ERI3: variants seen among roughly 807,000 people sequenced by gnomAD.
ERI3 encodes the protein ERI1 exoribonuclease 3.
In ERI3, 18 loss-of-function variants were observed where a neutral mutation model predicts 44.4. That is an observed-to-expected ratio of 0.41 (90% confidence interval 0.28 to 0.60). ERI3 has a LOEUF of 0.60. Ranked by LOEUF, ERI3 falls within the 20% of genes least tolerant of loss-of-function variation. The probability of loss-of-function intolerance (pLI) is 0.36; values close to 1 mark genes in which losing one functional copy is unlikely to be tolerated. For missense variants in ERI3, 294 were observed against 435.5 expected (o/e 0.68, Z 2.89); for synonymous variants, 183 against 164.8 (o/e 1.11, Z -0.84).
At chr1:44,349,897 G>A (rs1646856584) in intron 2 of ERI3, among the ~76,000 whole-genome samples, 1 of 152,106 alleles carries the variant, frequency 6.6e-6, no homozygotes, top group African/African-American at 2.4e-5. Flanking sequence ...AAGAAAAGTA[G>A]GAAGAAAGGG....
chr1:44,310,963 G>GCGCGCGCACACACACA (rs1373873768), intron 5 of ERI3, among the ~76,000 whole-genome samples: 1 of 123,200 alleles, frequency 8.1e-6, no homozygotes, highest in Non-Finnish European at 1.7e-5. Flanking sequence ...GCGCGCGCGC[G>GCGCGCGCACACACACA]CACACACACA....
Position 44,355,187 on chromosome 1 carries a change from G to A in ERI3, c.-161C>T, listed in dbSNP as rs1646976834. Reference sequence around the variant, plus strand: ...GGCAGAGGCAGGGCCAGCTCCGCCCGCTCCCCACCGCCCGTTCCCGGCCGC... The same window carrying A: ...GGCAGAGGCAGGGCCAGCTCCGCCCACTCCCCACCGCCCGTTCCCGGCCGC... On this transcript the variant is annotated 5_prime_UTR_variant, in exon 1 of 9. Coordinates refer to ENST00000372257, the MANE Select transcript of ERI3 (RefSeq NM_024066.3). 8.3e-7 allele frequency: 1 copy of A among 1,201,508 alleles called. No individual in the cohort carries two copies. 74.4% of individuals were successfully genotyped at this position (1,201,508 alleles called of 1,614,324 possible).
At chr1:44,332,718 C>A (rs1437997336) in intron 3 of ERI3, among the ~76,000 whole-genome samples, 2 of 152,222 alleles carry the variant, frequency 1.3e-5, no homozygotes, top group Non-Finnish European at 2.9e-5. Flanking sequence ...TCGGACACAG[C>A]AAACGCTTGT....
chr1:44,288,364 A>C (rs1268133473), intron 6 of ERI3, among the ~76,000 whole-genome samples: 1 of 152,072 alleles, frequency 6.6e-6, no homozygotes, highest in Non-Finnish European at 1.5e-5. Flanking sequence ...TAGCCCTGTG[A>C]CTCCAAGACA....
Position 44,241,915 on chromosome 1 carries a change from C to G in ERI3, c.931+6024G>C. 1.0e-6 allele frequency: 1 copy of G among 982,956 alleles called. No homozygotes were observed. Among genetic ancestry groups the G allele is most frequent in the Non-Finnish European group, 1.2e-6 (1 of 827,412 alleles). 60.9% of individuals were successfully genotyped at this position (982,956 alleles called of 1,614,324 possible). Reference sequence around the variant, plus strand: ...CCACCCATCTAGTCCATCAACTCACCCATCCATCTAGCCATTCTTCCATCT... The same window carrying G: ...CCACCCATCTAGTCCATCAACTCACGCATCCATCTAGCCATTCTTCCATCT... On this transcript the variant is annotated intron_variant, in intron 8 of 8. Coordinates refer to ENST00000372257, the MANE Select transcript of ERI3 (RefSeq NM_024066.3). The surrounding 1 kb of genome is among the most constrained non-coding windows in gnomAD (Gnocchi z 5.6).
intron 2 of ERI3, among the ~76,000 whole-genome samples, chr1:44,348,105 G>C (rs1464000785): frequency 3.9e-5 from 6 of 152,176 alleles, no homozygotes; most frequent in African/African-American, 7.2e-5. Flanking sequence ...TCTGGAATTA[G>C]AACATGCTAA....
Position 44,228,657 on chromosome 1 carries a change from C to T in ERI3, c.932-7017G>A, listed in dbSNP as rs754387144. On this transcript the variant is annotated intron_variant, in intron 8 of 8. Coordinates refer to ENST00000372257, the MANE Select transcript of ERI3 (RefSeq NM_024066.3). The surrounding 1 kb of genome is among the most constrained non-coding windows in gnomAD (Gnocchi z 4.3). ...ATGAGGCCATTACACACCCATTACC[C>T]GCCAGCTCACAGCCACTTGGGGGCA... Among the ~76,000 whole-genome samples, 8 of 152,202 alleles carry T rather than the reference C, an allele frequency of 5.3e-5. No individual in the cohort carries two copies. The highest frequency in any genetic ancestry group is 4.6e-4 in the Admixed American group (7 of 15,276).
intron 7 of ERI3, among the ~76,000 whole-genome samples, chr1:44,264,248 G>C (rs1644946434): frequency 6.6e-6 from 1 of 152,202 alleles, no homozygotes; most frequent in Non-Finnish European, 1.5e-5. Flanking sequence ...GGAGATAAAA[G>C]TGATTGAATC....
At chr1:44,227,718 C>A (rs1404909936) in intron 8 of ERI3, among the ~76,000 whole-genome samples, 1 of 152,052 alleles carries the variant, frequency 6.6e-6, no homozygotes, top group South Asian at 2.1e-4. Context: ...AGATGAGGGC[C>A]AAGGCAGTGA....
chr1:44,267,332 G>A (rs1410487420), intron 7 of ERI3, among the ~76,000 whole-genome samples: 3 of 152,088 alleles, frequency 2.0e-5, no homozygotes, highest in Non-Finnish European at 4.4e-5. Flanking sequence ...GGTTAGGAGA[G>A]CCCTCCTGAC....
intron 7 of ERI3, among the ~76,000 whole-genome samples, chr1:44,270,127 T>A (rs1363064600): frequency 1.3e-5 from 2 of 151,932 alleles, no homozygotes; most frequent in Admixed American, 6.6e-5. Flanking sequence ...GGGTCTAGAG[T>A]AGCAACAGCA....
intron 7 of ERI3, chr1:44,283,951 C>T (rs775636008): frequency 2.8e-5 from 13 of 467,844 alleles, no homozygotes; most frequent in Non-Finnish European, 4.4e-6. Context: ...CCCCCCTTGA[C>T]CTCTCTCTTC....
intron 7 of ERI3, among the ~76,000 whole-genome samples, chr1:44,266,429 A>G (rs149373828): frequency 0.011 from 1,698 of 152,326 alleles, 18 homozygotes; most frequent in Non-Finnish European, 0.016. Context: ...TTCAGTAGAC[A>G]CTAAGATTTT....
At chr1:44,257,293 C>T (rs749652575) in intron 7 of ERI3, among the ~76,000 whole-genome samples, 9 of 152,102 alleles carry the variant, frequency 5.9e-5, no homozygotes, top group Non-Finnish European at 1.2e-4. Context: ...TCAGTTAAGG[C>T]AGTTGGCTCA....
At chr1:44,330,785 GGATAA>G (rs1646412033) in intron 3 of ERI3, among the ~76,000 whole-genome samples, 1 of 152,084 alleles carries the variant, frequency 6.6e-6, no homozygotes, top group African/African-American at 2.4e-5. Context: ...TGAACACCCA[GGATAA>G]GAGGATAAAA....
intron 7 of ERI3, among the ~76,000 whole-genome samples, chr1:44,281,598 A>AT (rs1306061004): frequency 2.8e-4 from 39 of 138,162 alleles, no homozygotes; most frequent in African/African-American, 9.5e-4. Flanking sequence ...GAAAAAAAAA[A>AT]AAAATATATA....
chr1:44,221,084 C>G lies in ERI3; in HGVS notation c.*474G>C. 1 of 276,586 alleles carries G rather than the reference C, an allele frequency of 3.6e-6. No individual in the cohort carries two copies. Among genetic ancestry groups the G allele is most frequent in the South Asian group, 4.4e-5 (1 of 22,504 alleles). The allele number at this position is 276,586 out of a possible 1,614,324, so 17.1% of individuals were successfully genotyped here. On this transcript the variant is annotated 3_prime_UTR_variant, in exon 9 of 9. Transcript: ENST00000372257. The surrounding 1 kb of genome is among the most constrained non-coding windows in gnomAD (Gnocchi z 5.9). Reference sequence around the variant, plus strand: ...ACACACACAGATGGCTTTGCACACACACCCAGTGCCTCGTTTCCCCGACTT... The same window carrying G: ...ACACACACAGATGGCTTTGCACACAGACCCAGTGCCTCGTTTCCCCGACTT...
intron 4 of ERI3, among the ~76,000 whole-genome samples, chr1:44,316,643 G>A (rs1041634137): frequency 7.0e-4 from 106 of 152,138 alleles, no homozygotes; most frequent in Admixed American, 6.9e-3. Flanking sequence ...TCTCTGGTGT[G>A]CAATCTGATA....
chr1:44,243,100 G>A (rs1644477286), intron 8 of ERI3, among the ~76,000 whole-genome samples: 1 of 152,246 alleles, frequency 6.6e-6, no homozygotes, highest in African/African-American at 2.4e-5. Context: ...CTTCAGGGGA[G>A]ACCACAGGCC....
Sources: allele counts gnomAD v4.1 joint callset (sites outside exome capture counted in the v4.1 genomes callset), GRCh38; gene constraint gnomAD v4.1.1; non-coding constraint Gnocchi (gnomAD v3.1); transcripts MANE v1.5; gene names NCBI Gene and HGNC (gene_info 2026-07-23, HGNC 2026-07-21).